DOCK4: variants seen among roughly 807,000 people sequenced by gnomAD.
DOCK4 encodes dedicator of cytokinesis 4.
DOCK4 carries 97 observed loss-of-function variants against 268.1 expected under a neutral mutation model. The ratio of observed to expected loss-of-function variants is 0.36; its 90% CI spans 0.31 to 0.43. The LOEUF (loss-of-function observed/expected upper bound fraction) is 0.43, where lower values mean the gene tolerates loss of function less well. Ranked by LOEUF, DOCK4 falls within the 20% of genes least tolerant of loss-of-function variation. DOCK4 has a pLI of 1.00. For synonymous variants in DOCK4, 954 were observed against 887.2 expected, an observed-to-expected ratio of 1.08 and a Z score of -1.34; for missense variants, 2,145 against 2,455.7, an observed-to-expected ratio of 0.87 and a Z score of 2.67.
At chr7:111,835,179 C>T (rs1363165423) in intron 25 of DOCK4, among the ~76,000 whole-genome samples, 1 of 152,062 alleles carries the variant, frequency 6.6e-6, no homozygotes, top group Non-Finnish European at 1.5e-5. Flanking sequence ...TGGCATTATC[C>T]CCAGTCTTTC....
At chr7:111,907,704 G>A (rs533134267) in intron 13 of DOCK4, among the ~76,000 whole-genome samples, 58 of 152,164 alleles carry the variant, frequency 3.8e-4, no homozygotes, top group African/African-American at 1.4e-3. Context: ...CTTTGGTTAG[G>A]TTTAGGATAT....
In DOCK4 at chr7:112,117,326, C is replaced by A. The variant is rs1031825517; in HGVS notation, c.37+88776G>T. ...ATTTCATAACCATTGAACATGTGTA[C>A]AACCATGCTACCACTTTTATTAGCT... On this transcript the variant is annotated intron_variant, in intron 1 of 52. Transcript: ENST00000428084. 2.0e-5 allele frequency among the ~76,000 whole-genome samples: 3 copies of A among 152,120 alleles called. No individual in the cohort carries two copies. In the South Asian group the frequency reaches 6.2e-4, roughly 31 times the overall value.
intron 12 of DOCK4, among the ~76,000 whole-genome samples, chr7:111,933,584 C>G (rs538912515): frequency 6.6e-6 from 1 of 151,786 alleles, no homozygotes; most frequent in African/African-American, 2.4e-5. Context: ...CGTGAGCCAC[C>G]GCACCCAGCC....
intron 1 of DOCK4, among the ~76,000 whole-genome samples, chr7:112,154,256 G>T (rs781730419): frequency 3.3e-5 from 5 of 152,070 alleles, no homozygotes; most frequent in Non-Finnish European, 7.4e-5. Flanking sequence ...ATAGGCATAA[G>T]CACCTGTACC....
chr7:111,841,191 G>T lies in DOCK4; in HGVS notation c.2736+3572C>A, dbSNP rs1586146059. Reference sequence around the variant, plus strand: ...TTTATTTATTTATTTATGAGACAGGGTCTCACTCTGTCACCTAGGCTGGAG... The same window carrying T: ...TTTATTTATTTATTTATGAGACAGGTTCTCACTCTGTCACCTAGGCTGGAG... On this transcript the variant is annotated intron_variant, in intron 25 of 52. Transcript: ENST00000428084. Among the ~76,000 whole-genome samples the T allele has an allele frequency of 2.0e-5, 3 of 151,926 alleles. 1 individual carries two copies. The Middle Eastern group carries it at 0.01, about 520-fold the overall frequency.
intron 1 of DOCK4, among the ~76,000 whole-genome samples, chr7:112,138,013 T>C (rs1814526648): frequency 6.6e-6 from 1 of 152,186 alleles, no homozygotes; most frequent in African/African-American, 2.4e-5. Flanking sequence ...CACCTCTAGA[T>C]TAAATAATTT....
At chr7:111,738,279 T>TTGAC in intron 49 of DOCK4, among the ~76,000 whole-genome samples, 1 of 152,282 alleles carries the variant, frequency 6.6e-6, no homozygotes. Context: ...GCATGAGCAG[T>TTGAC]TGACAGGGAA....
intron 1 of DOCK4, among the ~76,000 whole-genome samples, chr7:112,051,508 G>C (rs1805352960): frequency 6.6e-6 from 1 of 152,096 alleles, no homozygotes; most frequent in South Asian, 2.1e-4. Flanking sequence ...GTTAGGGGAA[G>C]AATTAGTAGG....
chr7:111,990,517 A>C (rs1394168414), intron 5 of DOCK4, among the ~76,000 whole-genome samples: 1 of 152,224 alleles, frequency 6.6e-6, no homozygotes, highest in Non-Finnish European at 1.5e-5. Flanking sequence ...TATTTTAAAA[A>C]GTAGTGACGT....
intron 1 of DOCK4, among the ~76,000 whole-genome samples, chr7:112,074,744 C>G (rs576272983): frequency 6.6e-6 from 1 of 152,278 alleles, no homozygotes; most frequent in South Asian, 2.1e-4. Flanking sequence ...CATCCTGACC[C>G]CAGCCTCTAC....
At chr7:112,097,129 A>G (rs1319853088) in intron 1 of DOCK4, among the ~76,000 whole-genome samples, 1 of 152,214 alleles carries the variant, frequency 6.6e-6, no homozygotes, top group Non-Finnish European at 1.5e-5. Flanking sequence ...CCCAGAAGAG[A>G]GGAAGTGATA....
At chr7:112,134,185 C>G (rs146518672) in intron 1 of DOCK4, among the ~76,000 whole-genome samples, 11 of 152,138 alleles carry the variant, frequency 7.2e-5, no homozygotes, top group Non-Finnish European at 1.5e-4. Flanking sequence ...AGAGTTAAGA[C>G]AGATTAACAA....
chr7:111,845,011 G>A, intron 24 of DOCK4, 114 bp from the exon 25 acceptor site: 1 of 1,373,262 alleles, frequency 7.3e-7, no homozygotes, highest in Non-Finnish European at 9.8e-7. Context: ...TTTCACCTAA[G>A]TGAATGATCT....
At chr7:112,066,682 T>TACAC (rs1563051965) in intron 1 of DOCK4, among the ~76,000 whole-genome samples, 231 of 15,484 alleles carry the variant, frequency 0.015, 15 homozygotes, top group African/African-American at 0.064. Flanking sequence ...TATACATATA[T>TACAC]ACATATACAT....
intron 1 of DOCK4, among the ~76,000 whole-genome samples, chr7:112,203,538 A>T (rs1192076196): frequency 6.6e-6 from 1 of 152,190 alleles, no homozygotes; most frequent in Non-Finnish European, 1.5e-5. Context: ...GGTATATAAA[A>T]AGTACCTTTG....
intron 8 of DOCK4, among the ~76,000 whole-genome samples, chr7:111,954,446 A>G (rs1394983042): frequency 1.3e-5 from 2 of 152,190 alleles, no homozygotes; most frequent in South Asian, 4.1e-4. Flanking sequence ...AGTGGTAAAC[A>G]GAAGAGACCC....
intron 12 of DOCK4, among the ~76,000 whole-genome samples, chr7:111,933,259 T>C (rs1296786296): frequency 1.5e-5 from 2 of 137,758 alleles, no homozygotes; most frequent in African/African-American, 5.7e-5. Flanking sequence ...CATATATACT[T>C]ATATATATAT....
intron 1 of DOCK4, among the ~76,000 whole-genome samples, chr7:112,079,562 T>G (rs1328926426): frequency 6.6e-6 from 1 of 151,974 alleles, no homozygotes; most frequent in Non-Finnish European, 1.5e-5. Context: ...AAGCTGAGAG[T>G]TGAATGAGGA....
intron 1 of DOCK4, among the ~76,000 whole-genome samples, chr7:112,063,508 T>C (rs1806631422): frequency 6.6e-6 from 1 of 152,220 alleles, no homozygotes; most frequent in South Asian, 2.1e-4. Flanking sequence ...ACCTGTTTTA[T>C]AATAGAGTGT....
Sources: allele counts gnomAD v4.1 joint callset (sites outside exome capture counted in the v4.1 genomes callset), GRCh38; gene constraint gnomAD v4.1.1; transcripts MANE v1.5; gene names NCBI Gene and HGNC (gene_info 2026-07-23, HGNC 2026-07-21).